Variants in CLDN10 observed in about 807,000 individuals in gnomAD.
CLDN10 encodes claudin-10.
Under a neutral mutation model 22.9 loss-of-function variants are expected in CLDN10, and 15 were observed. The observed-to-expected ratio is 0.65, with a 90% CI of 0.44 to 1.01. The LOEUF (loss-of-function observed/expected upper bound fraction) is 1.01, where lower values mean the gene tolerates loss of function less well. Among genes scored for constraint, CLDN10 ranks in the 50% least tolerant of loss-of-function variants. The probability of loss-of-function intolerance (pLI) is 0.00; values close to 1 mark genes in which losing one functional copy is unlikely to be tolerated. For synonymous variants in CLDN10, 114 were observed against 111.4 expected (o/e 1.02, Z -0.15); for missense variants, 247 against 287.8 (o/e 0.86, Z 1.03).
At chr13:95,475,627 G>A (rs923765140) in intron 1 of CLDN10, among the ~76,000 whole-genome samples, 2 of 152,196 alleles carry the variant, frequency 1.3e-5, no homozygotes, top group African/African-American at 4.8e-5. Context: ...CCTGGTGAGG[G>A]TGACTGGCTT....
In CLDN10 at chr13:95,462,529, T is replaced by C. The variant is rs915706884; in HGVS notation, c.214+28482T>C. Among the ~76,000 whole-genome samples, 16 of 152,146 alleles carry C rather than the reference T, an allele frequency of 1.1e-4. 1 individual carries two copies. Among genetic ancestry groups the C allele is most frequent in the Admixed American group, 5.9e-4 (9 of 15,268 alleles). On this transcript the variant is annotated intron_variant, in intron 1 of 4. Transcript: ENST00000376873. ...ATAAACATGTGGGCAGGACCTAGGGTGGGCACAGCCCTATCACACGGTTCC... is the reference window on the plus strand; with the variant it reads ...ATAAACATGTGGGCAGGACCTAGGGCGGGCACAGCCCTATCACACGGTTCC...
At chr13:95,435,361 G>A (rs887755122) in intron 1 of CLDN10, among the ~76,000 whole-genome samples, 1 of 152,236 alleles carries the variant, frequency 6.6e-6, no homozygotes, top group Non-Finnish European at 1.5e-5. Flanking sequence ...TAACTAGGAA[G>A]TTACTAAAGC....
intron 1 of CLDN10, among the ~76,000 whole-genome samples, chr13:95,526,768 T>C (rs2043285644): frequency 6.7e-6 from 1 of 150,024 alleles, no homozygotes; most frequent in South Asian, 2.1e-4. Flanking sequence ...GCCTGGGCAA[T>C]AAGAGTGAAA....
At chr13:95,483,412 T>C (rs2138500010) in intron 1 of CLDN10, among the ~76,000 whole-genome samples, 1 of 152,322 alleles carries the variant, frequency 6.6e-6, no homozygotes, top group East Asian at 1.9e-4. Context: ...TCTCACTATG[T>C]TGCCCAGGCT....
At chr13:95,521,938 A>G (rs982971228) in intron 1 of CLDN10, among the ~76,000 whole-genome samples, 2 of 151,908 alleles carry the variant, frequency 1.3e-5, no homozygotes, top group East Asian at 3.9e-4. Context: ...CTAAATTTTT[A>G]TATTTATTGA....
chr13:95,522,509 G>A (rs1401575222), intron 1 of CLDN10, among the ~76,000 whole-genome samples: 1 of 151,978 alleles, frequency 6.6e-6, no homozygotes, highest in African/African-American at 2.4e-5. Context: ...ATTTGTTTGT[G>A]ACCTAGCTTA....
At chr13:95,470,704 C>G (rs994657084) in intron 1 of CLDN10, among the ~76,000 whole-genome samples, 8 of 152,118 alleles carry the variant, frequency 5.3e-5, no homozygotes, top group African/African-American at 1.7e-4. Flanking sequence ...TCCTGCTGGC[C>G]GTGCACGTCC....
chr13:95,485,202 T>C (rs550537823), intron 1 of CLDN10, among the ~76,000 whole-genome samples: 1 of 152,242 alleles, frequency 6.6e-6, no homozygotes, highest in Admixed American at 6.5e-5. Context: ...GTGCCCCTGG[T>C]TCCTGTAAGA....
At chr13:95,504,462 C>T (rs2043017337) in intron 1 of CLDN10, among the ~76,000 whole-genome samples, 1 of 152,148 alleles carries the variant, frequency 6.6e-6, no homozygotes, top group Non-Finnish European at 1.5e-5. Flanking sequence ...TCACTACAAC[C>T]TCCACCTCCC....
chr13:95,541,295 G>A (rs1046151974), intron 1 of CLDN10, among the ~76,000 whole-genome samples: 6 of 152,186 alleles, frequency 3.9e-5, no homozygotes, highest in African/African-American at 9.7e-5. Flanking sequence ...CTAATTAAGA[G>A]GCAACTATAC....
At chr13:95,521,028 G>A (rs150914354) in intron 1 of CLDN10, among the ~76,000 whole-genome samples, 1,537 of 151,710 alleles carry the variant, frequency 0.01, 26 homozygotes, top group African/African-American at 0.035. Flanking sequence ...TTATATGTTG[G>A]CTTTGGATTT....
At chr13:95,445,691 T>C (rs2042368643) in intron 1 of CLDN10, among the ~76,000 whole-genome samples, 1 of 152,254 alleles carries the variant, frequency 6.6e-6, no homozygotes, top group Admixed American at 6.5e-5. Flanking sequence ...CTTAACTTAA[T>C]GGGGTTTGGC....
At chr13:95,531,072 C>G (rs1031031611) in intron 1 of CLDN10, among the ~76,000 whole-genome samples, 30 of 152,106 alleles carry the variant, frequency 2.0e-4, no homozygotes, top group Non-Finnish European at 3.2e-4. Flanking sequence ...GCGTGTGCCA[C>G]CACACCCGGC....
intron 1 of CLDN10, among the ~76,000 whole-genome samples, chr13:95,508,277 C>T (rs1398311525): frequency 6.6e-6 from 1 of 152,098 alleles, no homozygotes; most frequent in Admixed American, 6.5e-5. Context: ...TGGCCAGGTC[C>T]AGCAGCCTCT....
intron 3 of CLDN10, among the ~76,000 whole-genome samples, chr13:95,567,058 G>A (rs1032816480): frequency 2.0e-5 from 3 of 152,194 alleles, no homozygotes; most frequent in Non-Finnish European, 4.4e-5. Context: ...GTAGCGTGAT[G>A]CCTCCAGCTT....
chr13:95,531,783 T>C lies in CLDN10; in HGVS notation c.215-28349T>C, dbSNP rs894103278. 3.3e-5 allele frequency among the ~76,000 whole-genome samples: 5 copies of C among 151,180 alleles called. No individual in the cohort carries two copies. In the East Asian group the frequency reaches 7.8e-4, roughly 24 times the overall value. ...CTCTCGAACTCCTGATCTCCACCCA[T>C]CTCAGCCTCCCAAAGTGCTGGGATT... On this transcript the variant is annotated intron_variant, in intron 1 of 4. Transcript: ENST00000376873.
Position 95,560,278 on chromosome 13 carries a change from G to T in CLDN10, c.367G>T (p.Val123Leu), listed in dbSNP as rs1331689582. 2 of 1,614,040 alleles carry T rather than the reference G, an allele frequency of 1.2e-6. No individual in the cohort carries two copies. Among genetic ancestry groups the T allele is most frequent in the Non-Finnish European group, 1.7e-6 (2 of 1,179,998 alleles). The change falls in exon 2 of 5, where the codon GTA becomes TTA. Residue 123 changes from valine (V) to leucine (L), a missense_variant. Physicochemically the swap from Val to Leu is conservative, Grantham distance 32. Coordinates refer to ENST00000299339, the MANE Select transcript of CLDN10 (RefSeq NM_006984.5). ...KAKIACLAGIVFILSGLCSMT... is the reference protein window; with the variant it reads ...KAKIACLAGILFILSGLCSMT... Reference sequence around the variant, plus strand: ...TAAAATTGCTTGTTTGGCTGGGATTGTATTCATACTGTCAGGTAAATAGTA... The same window carrying T: ...TAAAATTGCTTGTTTGGCTGGGATTTTATTCATACTGTCAGGTAAATAGTA...
intron 1 of CLDN10, among the ~76,000 whole-genome samples, chr13:95,451,185 A>G (rs1230798723): frequency 6.6e-6 from 1 of 152,230 alleles, no homozygotes; most frequent in African/African-American, 2.4e-5. Flanking sequence ...CCCGGCAGGA[A>G]GAATGCATCA....
intron 1 of CLDN10, among the ~76,000 whole-genome samples, chr13:95,508,397 C>T (rs1566307778): frequency 6.6e-6 from 1 of 152,210 alleles, no homozygotes; most frequent in Non-Finnish European, 1.5e-5. Flanking sequence ...CGGCCAAGTA[C>T]ATATTACTCC....
Sources: gnomAD v4.1 joint callset for allele counts (sites outside exome capture counted in the v4.1 genomes callset) on GRCh38, gnomAD v4.1.1 for gene constraint, MANE v1.5 for transcripts, NCBI Gene and HGNC (gene_info 2026-07-23, HGNC 2026-07-21) for gene names.